The following MIA2 variants were observed in gnomAD, a reference collection of about 807,000 sequenced individuals.
The protein encoded by MIA2 is MIA SH3 domain ER export factor 2.
A neutral mutation model predicts 167.8 loss-of-function variants in MIA2; 127 were observed. That is an observed-to-expected ratio of 0.76 (90% CI 0.66 to 0.88). The LOEUF is 0.88. Among genes scored for constraint, MIA2 ranks in the 40% least tolerant of loss-of-function variants. The pLI, the probability that MIA2 is intolerant of heterozygous loss-of-function variation, is 0.00. For missense variants in MIA2, 1,690 were observed against 1,624.7 expected (o/e 1.04, Z -0.69); for synonymous variants, 552 against 541.9 (o/e 1.02, Z -0.26).
intron 18 of MIA2, among the ~76,000 whole-genome samples, chr14:39,309,927 A>G (rs978206209): frequency 8.4e-5 from 12 of 142,106 alleles, no homozygotes. Context: ...AGATTTTCAA[A>G]TAGTGCCATG....
chr14:39,297,234 C>T (rs922443473), intron 13 of MIA2, among the ~76,000 whole-genome samples: 14 of 152,144 alleles, frequency 9.2e-5, no homozygotes, highest in African/African-American at 2.9e-4. Context: ...GCTGGGATTG[C>T]AGGCATGTAC....
intron 25 of MIA2, among the ~76,000 whole-genome samples, chr14:39,334,973 G>A (rs529453062): frequency 6.6e-6 from 1 of 152,186 alleles, no homozygotes; most frequent in South Asian, 2.1e-4. Context: ...CTTCTGGCTG[G>A]GTGCAGTGGC....
chr14:39,324,697 C>G (rs1232665808), intron 24 of MIA2, among the ~76,000 whole-genome samples: 1 of 151,834 alleles, frequency 6.6e-6, no homozygotes, highest in African/African-American at 2.4e-5. Flanking sequence ...ACCCCTTCCT[C>G]TCAGGTTCAA....
At chr14:39,256,564 A>G (rs1163142338) in intron 6 of MIA2, among the ~76,000 whole-genome samples, 1 of 152,150 alleles carries the variant, frequency 6.6e-6, no homozygotes, top group Non-Finnish European at 1.5e-5. Context: ...AAGCAATGGA[A>G]AATTAAAGGA....
intron 17 of MIA2, among the ~76,000 whole-genome samples, chr14:39,306,466 T>C (rs1485158833): frequency 6.6e-6 from 1 of 152,010 alleles, no homozygotes; most frequent in African/African-American, 2.4e-5. Context: ...CAACCAGATC[T>C]CATGAGAACT....
At chr14:39,337,424 C>A (rs189581277) in intron 25 of MIA2, among the ~76,000 whole-genome samples, 31 of 152,258 alleles carry the variant, frequency 2.0e-4, no homozygotes, top group Admixed American at 6.5e-4. Context: ...ACAGTGCCCT[C>A]AACCAACAAG....
In MIA2 at chr14:39,285,891, G is replaced by C. The variant is rs561681539; in HGVS notation, c.2131-5128G>C. Reference sequence around the variant, plus strand: ...CTCCCCACATCTCAGACGATGGGCGGCCGGGCAGAGATGCTCCTCACTTCC... The same window carrying C: ...CTCCCCACATCTCAGACGATGGGCGCCCGGGCAGAGATGCTCCTCACTTCC... On this transcript the variant is annotated intron_variant, in intron 9 of 28. Coordinates refer to ENST00000640607, the MANE Select transcript of MIA2 (RefSeq NM_001329214.4). Among the ~76,000 whole-genome samples the C allele has an allele frequency of 2.0e-5, 3 of 151,798 alleles. 1 individual carries two copies. In the East Asian group the frequency reaches 5.9e-4, roughly 30 times the overall value.
chr14:39,386,886 C>T (rs781759198), exon 24 of MIA2: 18 of 814,522 alleles, frequency 2.2e-5, no homozygotes, highest in Admixed American at 5.6e-5. Flanking sequence ...TCTCACCAGG[C>T]GCACGCTCTC....
In MIA2 at chr14:39,248,209, A is replaced by T. The variant is rs760014128; in HGVS notation, c.1567+68A>T. ...AACATAATTTATTTTTATAAGTGCA[A>T]ATCAGATGAAAAAGTCCAGGAATCC... On this transcript the variant is annotated intron_variant, in intron 4 of 28. Transcript: ENST00000640607. 5 of 1,139,798 alleles carry T rather than the reference A, an allele frequency of 4.4e-6. No individual in the cohort carries two copies. The Admixed American group carries it at 1.7e-4, about 38-fold the overall frequency. 70.6% of individuals were successfully genotyped at this position (1,139,798 alleles called of 1,614,324 possible). A position where few individuals can be genotyped will look rare whatever the true frequency, so the allele number is the denominator to read the frequency against.
At chr14:39,329,688 G>T (rs1323719954) in intron 25 of MIA2, among the ~76,000 whole-genome samples, 3 of 149,190 alleles carry the variant, frequency 2.0e-5, no homozygotes, top group Non-Finnish European at 4.4e-5. Flanking sequence ...AGGGGTGTTG[G>T]ATTTTATCAA....
rs753193188 is a variant in MIA2 at position 39,326,842 on chromosome 14, ATG to A, written c.3497-20_3497-19del. On this transcript the variant is annotated intron_variant, in intron 24 of 28. Coordinates refer to ENST00000640607, the MANE Select transcript of MIA2 (RefSeq NM_001329214.4). ...ACTTTTTAAGATGAAACAGATTTGT[ATG>A]TTTTTTTTTCTTTAATTAGGCTCAC... 1.5e-5 allele frequency: 22 copies of A among 1,424,292 alleles called. No individual in the cohort carries two copies. Among genetic ancestry groups the A allele is most frequent in the African/African-American group, 1.5e-4 (5 of 33,296 alleles). The allele number at this position is 1,424,292 out of a possible 1,614,324, so 88.2% of individuals were successfully genotyped here.
chr14:39,322,353 C>A (rs1357830227), intron 24 of MIA2, among the ~76,000 whole-genome samples: 3 of 151,806 alleles, frequency 2.0e-5, no homozygotes, highest in Admixed American at 6.6e-5. Context: ...CCATCCTGGC[C>A]AACATGGTGA....
chr14:39,270,510 T>G (rs756882195), intron 6 of MIA2, among the ~76,000 whole-genome samples: 22 of 152,060 alleles, frequency 1.4e-4, no homozygotes, highest in South Asian at 8.3e-4. Context: ...TACTCTGTTT[T>G]TTGTTGTTGT....
At chr14:39,358,036 G>A (rs1363481958) in intron 23 of MIA2, among the ~76,000 whole-genome samples, 1 of 152,136 alleles carries the variant, frequency 6.6e-6, no homozygotes, top group Non-Finnish European at 1.5e-5. Flanking sequence ...GTGTCTTGGA[G>A]TTGCTCTTCT....
chr14:39,259,040 G>C (rs1430260763), intron 6 of MIA2, among the ~76,000 whole-genome samples: 1 of 152,254 alleles, frequency 6.6e-6, no homozygotes, highest in African/African-American at 2.4e-5. Flanking sequence ...GTCTCTCCCA[G>C]TCAGGAGGCG....
chr14:39,345,987 G>C lies in MIA2; in HGVS notation c.3739G>C (p.Glu1247Gln), dbSNP rs780008006. ...SNSGRLSGPA[E>Q]LRSFNMPSLD... Reference sequence around the variant, plus strand: ...TTCTGGTAGACTGTCTGGACCAGCAGAACTCAGAAGTTTTAATATGCCTTC... The same window carrying C: ...TTCTGGTAGACTGTCTGGACCAGCACAACTCAGAAGTTTTAATATGCCTTC... Residue 1247 changes from glutamate to glutamine, a missense_variant, in exon 26 of 29, where the codon GAA becomes CAA. Physicochemically the swap from Glu to Gln is conservative, Grantham distance 29. Coordinates refer to ENST00000640607, the MANE Select transcript of MIA2 (RefSeq NM_001329214.4). The C allele has an allele frequency of 4.3e-6, 7 of 1,611,976 alleles. No individual in the cohort carries two copies. In the African/African-American group the frequency reaches 5.3e-5, roughly 12 times the overall value.
At chr14:39,246,338 C>A (rs1273826867) in intron 3 of MIA2, among the ~76,000 whole-genome samples, 1 of 150,622 alleles carries the variant, frequency 6.6e-6, no homozygotes, top group Non-Finnish European at 1.5e-5. Context: ...CTCAGGCAAT[C>A]CACCCGCCTG....
intron 23 of MIA2, among the ~76,000 whole-genome samples, chr14:39,369,676 T>A (rs956633047): frequency 2.6e-5 from 4 of 152,236 alleles, no homozygotes; most frequent in Non-Finnish European, 5.9e-5. Flanking sequence ...CAGCTCTTTG[T>A]GTTTTTTTCA....
chr14:39,302,553 T>G (rs953526206), intron 15 of MIA2, among the ~76,000 whole-genome samples: 5 of 152,184 alleles, frequency 3.3e-5, no homozygotes, highest in African/African-American at 1.2e-4. Context: ...TCAATGCCTG[T>G]TTTTCCCTGT....
Sources: allele counts gnomAD v4.1 joint callset (sites outside exome capture counted in the v4.1 genomes callset), GRCh38; gene constraint gnomAD v4.1.1; transcripts MANE v1.5; gene names NCBI Gene and HGNC (gene_info 2026-07-23, HGNC 2026-07-21).